The following ARB2A variants were observed in gnomAD, a reference collection of about 807,000 sequenced individuals.
The protein encoded by ARB2A is cotranscriptional regulator ARB2A.
chr5:93,756,963 CA>C, the ARB2A span, among the ~76,000 whole-genome samples: 1 of 151,886 alleles, frequency 6.6e-6, no homozygotes, highest in Non-Finnish European at 1.5e-5. Flanking sequence ...CCAATGCAAG[CA>C]AATCCAAAAA....
the ARB2A span, among the ~76,000 whole-genome samples, chr5:93,680,291 T>C: frequency 1.3e-5 from 2 of 152,104 alleles, no homozygotes; most frequent in Non-Finnish European, 1.5e-5. Context: ...ATATTTCCAA[T>C]GTAAATCACA....
chr5:93,657,991 G>A, the ARB2A span, among the ~76,000 whole-genome samples: 1 of 151,842 alleles, frequency 6.6e-6, no homozygotes, highest in Admixed American at 6.6e-5. Flanking sequence ...TACTTTTTTT[G>A]TAAATGAATG....
chr5:93,959,207 T>A, the ARB2A span, among the ~76,000 whole-genome samples: 1 of 151,992 alleles, frequency 6.6e-6, no homozygotes, highest in South Asian at 2.1e-4. Context: ...ATTGGTAATA[T>A]GTTTCTCTTC....
At chr5:93,846,501 CTAAAAAAATAATAA>C in the ARB2A span, among the ~76,000 whole-genome samples, 52 of 149,234 alleles carry the variant, frequency 3.5e-4, no homozygotes, top group Non-Finnish European at 5.6e-4. Flanking sequence ...GACCATGTCT[CTAAAAAAATAATAA>C]TAATAAAAAT....
At chr5:93,632,775 A>G in the ARB2A span, among the ~76,000 whole-genome samples, 1 of 152,244 alleles carries the variant, frequency 6.6e-6, no homozygotes, top group East Asian at 1.9e-4. Flanking sequence ...AAGGAATAAA[A>G]TCAATCTGTA....
the ARB2A span, among the ~76,000 whole-genome samples, chr5:93,812,974 G>A: frequency 6.6e-6 from 1 of 152,160 alleles, no homozygotes; most frequent in Admixed American, 6.6e-5. Context: ...AAGAGGAAGA[G>A]ACTAGAGCTT....
At chr5:93,755,907 C>A in the ARB2A span, among the ~76,000 whole-genome samples, 1 of 152,158 alleles carries the variant, frequency 6.6e-6, no homozygotes, top group Non-Finnish European at 1.5e-5. Context: ...GGGTGCAAAT[C>A]CGGTGTGCAG....
At chr5:93,992,646 G>A in the ARB2A span, among the ~76,000 whole-genome samples, 1 of 152,012 alleles carries the variant, frequency 6.6e-6, no homozygotes, top group East Asian at 1.9e-4. Context: ...GTTTTGCCAT[G>A]TACAAAAACT....
the ARB2A span, among the ~76,000 whole-genome samples, chr5:93,687,841 C>T: frequency 1.9e-4 from 29 of 152,168 alleles, no homozygotes; most frequent in Middle Eastern, 3.4e-3. Flanking sequence ...ATTTGTAAAA[C>T]GAAGCCTAAC....
At chr5:93,962,702 A>G in the ARB2A span, among the ~76,000 whole-genome samples, 3 of 152,126 alleles carry the variant, frequency 2.0e-5, no homozygotes, top group Non-Finnish European at 4.4e-5. Flanking sequence ...ACAGTACCAA[A>G]TATGTGATAA....
At chr5:93,832,896 G>A in the ARB2A span, among the ~76,000 whole-genome samples, 8 of 152,140 alleles carry the variant, frequency 5.3e-5, no homozygotes, top group African/African-American at 1.9e-4. Flanking sequence ...AGGGGGAAGA[G>A]CCAGAAAGTC....
chr5:93,805,840 T>G, the ARB2A span: 1 of 985,172 alleles, frequency 1.0e-6, no homozygotes, highest in Non-Finnish European at 1.2e-6. Flanking sequence ...ACTTGTTGGT[T>G]GTATACAGTC....
At chr5:93,904,064 C>T in the ARB2A span, among the ~76,000 whole-genome samples, 1 of 151,668 alleles carries the variant, frequency 6.6e-6, no homozygotes, top group South Asian at 2.1e-4. Context: ...TAACTCATGG[C>T]AGAGAAGTAT....
At chr5:93,768,577 A>ATG in the ARB2A span, among the ~76,000 whole-genome samples, 63 of 150,196 alleles carry the variant, frequency 4.2e-4, no homozygotes, top group East Asian at 2.1e-3. Flanking sequence ...CATATATACT[A>ATG]TGTGTGTGTG....
chr5:94,086,671 G>C, the ARB2A span, among the ~76,000 whole-genome samples: 2 of 152,216 alleles, frequency 1.3e-5, no homozygotes, highest in African/African-American at 2.4e-5. Context: ...TCCTGCCTCA[G>C]ACTCCCGAGT....
chr5:93,762,629 G>A, the ARB2A span, among the ~76,000 whole-genome samples: 68 of 151,772 alleles, frequency 4.5e-4, no homozygotes, highest in South Asian at 4.8e-3. Flanking sequence ...AACACTCTGC[G>A]GGATATTATC....
chr5:93,891,137 C>T, the ARB2A span, among the ~76,000 whole-genome samples: 385 of 152,118 alleles, frequency 2.5e-3, 3 homozygotes, highest in Middle Eastern at 0.01. Flanking sequence ...TAAGATTTAC[C>T]GTGAAAAGGA....
the ARB2A span, among the ~76,000 whole-genome samples, chr5:94,061,021 G>A: frequency 1.3e-5 from 2 of 152,228 alleles, no homozygotes; most frequent in African/African-American, 2.4e-5. Flanking sequence ...GGTGGATCAC[G>A]AGGTCAGGAT....
chr5:93,775,625 C>T, the ARB2A span, among the ~76,000 whole-genome samples: 2 of 152,254 alleles, frequency 1.3e-5, no homozygotes, highest in African/African-American at 4.8e-5. Context: ...TGAACATCTT[C>T]AGATCCATTC....
Sources: allele counts gnomAD v4.1 joint callset (sites outside exome capture counted in the v4.1 genomes callset), GRCh38; gene constraint gnomAD v4.1.1; transcripts MANE v1.5; gene names NCBI Gene and HGNC (gene_info 2026-07-23, HGNC 2026-07-21).